The following PPP2R3A variants were observed in gnomAD, a reference collection of about 807,000 sequenced individuals.
PPP2R3A encodes serine/threonine-protein phosphatase 2A regulatory subunit B'' subunit alpha.
PPP2R3A carries 80 observed loss-of-function variants against 106.9 expected under a neutral mutation model. The observed-to-expected ratio is 0.75, with a 90% CI of 0.62 to 0.90. The LOEUF (loss-of-function observed/expected upper bound fraction) is 0.90, where lower values mean the gene tolerates loss of function less well. Among genes scored for constraint, PPP2R3A ranks in the 40% least tolerant of loss-of-function variants. The pLI, the probability that PPP2R3A is intolerant of heterozygous loss-of-function variation, is 0.00. For missense variants in PPP2R3A, 1,386 were observed against 1,350.4 expected (o/e 1.03, Z -0.41); for synonymous variants, 483 against 468.3 (o/e 1.03, Z -0.41).
At chr3:136,011,865 C>T (rs917384441) in intron 2 of PPP2R3A, among the ~76,000 whole-genome samples, 2 of 152,208 alleles carry the variant, frequency 1.3e-5, no homozygotes, top group South Asian at 2.1e-4. Flanking sequence ...ACGTATTTGT[C>T]GTACTTCCAG....
chr3:135,992,656 G>A (rs754231036), intron 1 of PPP2R3A, among the ~76,000 whole-genome samples: 7 of 152,190 alleles, frequency 4.6e-5, no homozygotes, highest in Non-Finnish European at 1.0e-4. Context: ...TATCTGCAGG[G>A]AGATGAATTC....
chr3:135,983,072 G>A (rs1937560317), intron 1 of PPP2R3A, among the ~76,000 whole-genome samples: 1 of 152,204 alleles, frequency 6.6e-6, no homozygotes, highest in South Asian at 2.1e-4. Context: ...GAGGGCATCA[G>A]TGGGGTCAAG....
Position 135,966,077 on chromosome 3 carries a change from C to CCGGT in PPP2R3A, c.-441+230_-441+233dup, listed in dbSNP as rs770142270. On this transcript the variant is annotated intron_variant, in intron 1 of 13. Coordinates refer to ENST00000264977, the MANE Select transcript of PPP2R3A (RefSeq NM_002718.5). ...CGGTGCGTTGCCTCGGCGCGGCCGG[C>CCGGT]CGGTCCCGGGACACGGCACCAGGGA... Among the ~76,000 whole-genome samples, 737 of 152,012 alleles carry CCGGT rather than the reference C, an allele frequency of 4.8e-3. 3 individuals are homozygous for CCGGT. The highest frequency in any genetic ancestry group is 8.6e-3 in the Non-Finnish European group (586 of 67,936).
chr3:136,016,352 T>G (rs1232509652), intron 2 of PPP2R3A, among the ~76,000 whole-genome samples: 2 of 152,124 alleles, frequency 1.3e-5, no homozygotes, highest in Non-Finnish European at 2.9e-5. Flanking sequence ...AGGGTATAGT[T>G]TAAGTCCATT....
intron 2 of PPP2R3A, among the ~76,000 whole-genome samples, chr3:136,011,707 G>C (rs968197518): frequency 6.6e-6 from 1 of 152,112 alleles, no homozygotes; most frequent in African/African-American, 2.4e-5. Context: ...AGAGATCTTT[G>C]AATCAGTCAT....
intron 13 of PPP2R3A, 112 bp downstream of exon 13, chr3:136,106,434 A>T (rs1322350090): frequency 1.1e-6 from 1 of 902,286 alleles, no homozygotes; most frequent in Non-Finnish European, 1.7e-6. Flanking sequence ...TGAATAGCAT[A>T]AAAATGTGAT....
intron 2 of PPP2R3A, 142 bp downstream of exon 2, chr3:136,003,635 C>A: frequency 1.5e-6 from 1 of 663,136 alleles, no homozygotes; most frequent in Non-Finnish European, 2.4e-6. Flanking sequence ...TCACTCAGCT[C>A]AGAGTCAGTA....
intron 6 of PPP2R3A, among the ~76,000 whole-genome samples, chr3:136,073,119 C>G (rs1936486386): frequency 6.6e-6 from 1 of 152,152 alleles, no homozygotes; most frequent in Non-Finnish European, 1.5e-5. Context: ...AGGCGCCCAC[C>G]ACCACGCCCG....
chr3:136,078,307 T>G, intron 6 of PPP2R3A, 60 bp from the exon 7 acceptor site: 69 of 1,207,100 alleles, frequency 5.7e-5, no homozygotes, highest in Middle Eastern at 1.9e-4. Context: ...AAATGGCCTT[T>G]GAGAAAGTAG....
chr3:136,090,474 T>C, intron 9 of PPP2R3A, 104 bp from the exon 10 acceptor site: 1 of 874,366 alleles, frequency 1.1e-6, no homozygotes, highest in Non-Finnish European at 1.8e-6. Context: ...CATTATAATT[T>C]AAAAAATTTT....
At position 136,131,041 on chromosome 3, in the gene PPP2R3A, T is replaced by G. The variant is rs184923144; in HGVS notation, c.3330-14002T>G. Among the ~76,000 whole-genome samples, 219 of 152,248 alleles carry G rather than the reference T, an allele frequency of 1.4e-3. 3 individuals carry two copies. Among genetic ancestry groups the G allele is most frequent in the African/African-American group, 4.6e-3 (193 of 41,546 alleles). On this transcript the variant is annotated intron_variant, in intron 13 of 13. Coordinates refer to ENST00000264977, the MANE Select transcript of PPP2R3A (RefSeq NM_002718.5). ...ATTAAAGACTTAATTAAGTTAGACC[T>G]AAAACCATAAAAACCCTAGAAGAAA...
At chr3:136,119,025 A>G (rs983577970) in intron 13 of PPP2R3A, among the ~76,000 whole-genome samples, 19 of 152,226 alleles carry the variant, frequency 1.2e-4, no homozygotes, top group Non-Finnish European at 2.6e-4. Context: ...AAACAGATAT[A>G]TAAACCAATG....
intron 12 of PPP2R3A, among the ~76,000 whole-genome samples, chr3:136,104,060 A>T (rs1242094000): frequency 6.6e-6 from 1 of 152,242 alleles, no homozygotes; most frequent in Non-Finnish European, 1.5e-5. Flanking sequence ...GTTGAGTAAC[A>T]GTAAACTATA....
intron 5 of PPP2R3A, among the ~76,000 whole-genome samples, chr3:136,057,603 A>T (rs928157384): frequency 6.6e-6 from 1 of 152,198 alleles, no homozygotes; most frequent in East Asian, 1.9e-4. Context: ...GGTAAATTTT[A>T]TATTTATATT....
At chr3:136,030,788 A>ATATATATATATATATATATATATG (rs1559878207) in intron 3 of PPP2R3A, among the ~76,000 whole-genome samples, 2 of 141,366 alleles carry the variant, frequency 1.4e-5, no homozygotes, top group African/African-American at 5.5e-5. Flanking sequence ...ATATGTATGT[A>ATATATATATATATATATATATATG]TGTATGTATG....
intron 13 of PPP2R3A, among the ~76,000 whole-genome samples, chr3:136,128,402 A>G (rs1396054906): frequency 2.0e-5 from 3 of 152,192 alleles, no homozygotes; most frequent in Non-Finnish European, 4.4e-5. Context: ...TAAACCAACA[A>G]AGATCAAAAG....
In PPP2R3A at chr3:136,002,340, T is replaced by G. The variant is rs766875965; in HGVS notation, c.842T>G (p.Val281Gly). The change falls in exon 2 of 14, where the codon GTA (valine) becomes GGA (glycine). Residue 281 changes from valine (V) to glycine (G), a missense_variant. Transcript: ENST00000264977. Reference sequence around the variant, plus strand: ...AGCTCTGAAACTGTCTATATGAATGTAATGACCAGGTTAGCATCCTATCTG... The same window carrying G: ...AGCTCTGAAACTGTCTATATGAATGGAATGACCAGGTTAGCATCCTATCTG... ...ISSSETVYMNVMTRLASYLKK... is the reference protein window; with the variant it reads ...ISSSETVYMNGMTRLASYLKK... 1.2e-6 allele frequency: 2 copies of G among 1,613,806 alleles called. No homozygotes were observed. Among genetic ancestry groups the G allele is most frequent in the Non-Finnish European group, 1.7e-6 (2 of 1,179,826 alleles).
intron 13 of PPP2R3A, among the ~76,000 whole-genome samples, chr3:136,123,567 T>A (rs1421949576): frequency 6.6e-6 from 1 of 152,158 alleles, no homozygotes; most frequent in Non-Finnish European, 1.5e-5. Flanking sequence ...GACCAATATT[T>A]TGTTTTATAA....
chr3:136,100,941 A>T (rs1937344630), intron 10 of PPP2R3A, among the ~76,000 whole-genome samples: 1 of 152,224 alleles, frequency 6.6e-6, no homozygotes, highest in Non-Finnish European at 1.5e-5. Context: ...AAGACCCAAG[A>T]TCTCAAAAAA....
Sources: allele counts gnomAD v4.1 joint callset (sites outside exome capture counted in the v4.1 genomes callset), GRCh38; gene constraint gnomAD v4.1.1; transcripts MANE v1.5; gene names NCBI Gene and HGNC (gene_info 2026-07-23, HGNC 2026-07-21).